IRX1: variants seen among roughly 807,000 people sequenced by gnomAD.
IRX1 encodes the protein iroquois homeobox 1, also known as iroquois-class homeodomain protein IRX-1.
In IRX1, 22 loss-of-function variants were observed where a neutral mutation model predicts 34.1. The ratio of observed to expected loss-of-function variants is 0.64; its 90% confidence interval spans 0.46 to 0.92. The LOEUF is 0.92. IRX1 is among the 40% of genes least tolerant of loss of function. The probability of loss-of-function intolerance (pLI) is 0.00; values close to 1 mark genes in which losing one functional copy is unlikely to be tolerated. For synonymous variants in IRX1, 363 were observed against 319.0 expected (o/e 1.14, Z -1.47); for missense variants, 758 against 680.0 (o/e 1.11, Z -1.28).
chr5:3,596,492 A>G (rs1743700268), intron 1 of IRX1, 111 bp downstream of exon 1: 2 of 1,121,262 alleles, frequency 1.8e-6, no homozygotes, highest in South Asian at 5.5e-5. Context: ...CGGAAGAGGA[A>G]CTAGAAAGGT....
At position 3,599,956 on chromosome 5, in the gene IRX1, A is replaced by G. The variant is rs1283497857; in HGVS notation, c.1008A>G (p.Pro336=). The G allele has an allele frequency of 6.7e-7, 1 of 1,502,324 alleles. No homozygotes were observed. The highest frequency in any genetic ancestry group is 2.2e-5 in the Admixed American group (1 of 44,992). The allele number at this position is 1,502,324 out of a possible 1,614,324, so 93.1% of individuals were successfully genotyped here. Residue 336 remains proline (P), a synonymous_variant, in exon 2 of 4, where the codon CCA becomes CCG. Coordinates refer to ENST00000302006, the MANE Select transcript of IRX1 (RefSeq NM_024337.4). The surrounding 1 kb of genome is among the most constrained non-coding windows in gnomAD (Gnocchi z 6.6). ...PDGAPKASPP[P]PAGHPGAHGP... is the part of the protein sequence containing the mutation. ...GTGCGCCCAAGGCTTCGCCACCACCACCCGCGGGCCACCCCGGCGCGCACG... is the reference window on the plus strand; with the variant it reads ...GTGCGCCCAAGGCTTCGCCACCACCGCCCGCGGGCCACCCCGGCGCGCACG...
chr5:3,600,472 CG>C, intron 2 of IRX1, 136 bp from the exon 3 acceptor site: 1 of 907,252 alleles, frequency 1.1e-6, no homozygotes, highest in Non-Finnish European at 1.6e-6. Context: ...GGGCCTGCTA[CG>C]GGGTGGTGGT....
chr5:3,596,156 G>C lies in IRX1; in HGVS notation c.51G>C (p.Pro17=). ...GYPQYLSAAG[P]GAYGGERPGV... is the part of the protein sequence containing the mutation. The stretch of plus-strand genomic sequence containing the variant: ...CGCAGTACCTGAGCGCCGCGGGGCC[G>C]GGCGCCTACGGCGGCGAGCGCCCGG... Residue 17 remains proline (P), a synonymous_variant, in exon 1 of 4, where the codon CCG becomes CCC. Transcript: ENST00000302006. 2 of 1,038,218 alleles carry C rather than the reference G, an allele frequency of 1.9e-6. No individual in the cohort carries two copies. The highest frequency in any genetic ancestry group is 5.7e-5 in the Admixed American group (1 of 17,474). 64.3% of individuals were successfully genotyped at this position (1,038,218 alleles called of 1,614,324 possible). A position where few individuals can be genotyped will look rare whatever the true frequency, so the allele number is the denominator to read the frequency against.
chr5:3,597,855 AT>A (rs769362141), intron 1 of IRX1, among the ~76,000 whole-genome samples: 1 of 152,056 alleles, frequency 6.6e-6, no homozygotes, highest in East Asian at 1.9e-4. Flanking sequence ...CAACTAGACC[AT>A]TTTTTCAGAG....
rs1306404226 is a variant in IRX1, at chr5:3,600,000, C to A, written c.1052C>A (p.Pro351Gln). 1 of 1,525,510 alleles carries A rather than the reference C, an allele frequency of 6.6e-7. No homozygotes were observed. 94.5% of individuals were successfully genotyped at this position (1,525,510 alleles called of 1,614,324 possible). Residue 351 changes from proline to glutamine, a missense_variant, in exon 2 of 4, where the codon CCG (proline) becomes CAG (glutamine). Transcript: ENST00000302006. The surrounding 1 kb of genome is among the most constrained non-coding windows in gnomAD (Gnocchi z 6.6). ...GCGCACGGGCCCTCCGCCGGGGCGCCGCTGCAACACCCCGCCTTCCTGCCT... is the reference window on the plus strand; with the variant it reads ...GCGCACGGGCCCTCCGCCGGGGCGCAGCTGCAACACCCCGCCTTCCTGCCT... ...PGAHGPSAGA[P>Q]LQHPAFLPSH...
At position 3,599,564 on chromosome 5, in the gene IRX1, T is replaced by A. The variant is rs768467657; in HGVS notation, c.616T>A (p.Phe206Ile). Reference sequence around the variant, plus strand: ...CAAGGACCAGGAAGATGGAGCGCTCTTCGGCAGCGACACCGAGGGCGACCC... The same window carrying A: ...CAAGGACCAGGAAGATGGAGCGCTCATCGGCAGCGACACCGAGGGCGACCC... ...RSKDQEDGAL[F>I]GSDTEGDPEK... is the part of the protein sequence containing the mutation. Residue 206 changes from phenylalanine (F) to isoleucine (I), a missense_variant, in exon 2 of 4, where the codon TTC becomes ATC. Around this residue, in one of 3 missense-constraint regions of IRX1, gnomAD observed 529 missense variants for 418.8 expected, o/e 1.26. Coordinates refer to ENST00000302006, the MANE Select transcript of IRX1 (RefSeq NM_024337.4). The surrounding 1 kb of genome is among the most constrained non-coding windows in gnomAD (Gnocchi z 6.6). 7 of 1,613,844 alleles carry A rather than the reference T, an allele frequency of 4.3e-6. No homozygotes were observed. The Admixed American group carries it at 8.3e-5, about 19-fold the overall frequency.
In IRX1 at chr5:3,596,243, G is replaced by C. The variant is rs1372220599; in HGVS notation, c.138G>C (p.Ala46=). 3 of 1,182,286 alleles carry C rather than the reference G, an allele frequency of 2.5e-6. No individual in the cohort carries two copies. The highest frequency in any genetic ancestry group is 3.4e-4 in the Middle Eastern group (1 of 2,932). The allele number at this position is 1,182,286 out of a possible 1,614,324, so 73.2% of individuals were successfully genotyped here. The stretch of plus-strand genomic sequence containing the variant: ...CCTCGTCGGGCCGACCGGGGGCCGC[G>C]GAGCTGGGCGGCGGGGCAGGCGCGG... ...AAASSGRPGA[A]ELGGGAGAAA... Residue 46 remains alanine, a synonymous_variant, in exon 1 of 4, where the codon GCG becomes GCC. Transcript: ENST00000302006.
In IRX1 at chr5:3,599,349, C is replaced by G; in HGVS notation, c.401C>G (p.Ala134Gly). Residue 134 changes from alanine to glycine, a missense_variant, in exon 2 of 4, where the codon GCC becomes GGC. Around this residue, in one of 3 missense-constraint regions of IRX1, gnomAD observed 195 missense variants for 195.0 expected, o/e 1.00. Coordinates refer to ENST00000302006, the MANE Select transcript of IRX1 (RefSeq NM_024337.4). This position sits in a 1 kb window ranked among gnomAD's most constrained non-coding sequence, Gnocchi z 6.6. ...GGGGACCCCGGGCGGCCCAAGAACG[C>G]CACCCGCGAGAGCACCAGCACGCTC... ...QYGDPGRPKN[A>G]TRESTSTLKA... The G allele has an allele frequency of 6.2e-7, 1 of 1,614,100 alleles. No individual in the cohort carries two copies. The highest frequency in any genetic ancestry group is 8.5e-7 in the Non-Finnish European group (1 of 1,180,032).
rs566374855 is a variant in IRX1, at chr5:3,599,596, G to A, written c.648G>A (p.Lys216=). The A allele has an allele frequency of 1.2e-5, 19 of 1,614,124 alleles. No homozygotes were observed. The African/African-American group carries it at 1.6e-4, about 14-fold the overall frequency. The change falls in exon 2 of 4, where the codon AAG becomes AAA. Residue 216 remains lysine, a synonymous_variant. Coordinates refer to ENST00000302006, the MANE Select transcript of IRX1 (RefSeq NM_024337.4). This position sits in a 1 kb window ranked among gnomAD's most constrained non-coding sequence, Gnocchi z 6.6. The stretch of plus-strand genomic sequence containing the variant: ...GCGACACCGAGGGCGACCCGGAGAA[G>A]GCCGAGGACGACGAGGAGATCGACC... The part of the protein sequence containing the change: ...FGSDTEGDPE[K]AEDDEEIDLE...
chr5:3,600,525 C>A lies in IRX1; in HGVS notation c.1313-84C>A, dbSNP rs367870354. ...TTTTTCGGCGAATCTGCCTGGGCAG[C>A]CGGCAGAAGTTGGTGGGAAGGAGGC... On this transcript the variant is annotated intron_variant, in intron 2 of 3. Transcript: ENST00000302006. The A allele has an allele frequency of 7.0e-5, 91 of 1,295,472 alleles. No individual in the cohort carries two copies. The African/African-American group carries it at 1.2e-3, about 17-fold the overall frequency. The allele number at this position is 1,295,472 out of a possible 1,614,324, so 80.2% of individuals were successfully genotyped here.
At chr5:3,600,750 G>A in intron 3 of IRX1, 69 bp downstream of exon 3, 1 of 1,436,610 alleles carries the variant, frequency 7.0e-7, no homozygotes, top group South Asian at 1.2e-5. Flanking sequence ...GTCGGGACCC[G>A]GGCGGAGCTG....
In IRX1 at chr5:3,601,197, C is replaced by T. The variant is rs1580013534; in HGVS notation, c.*157C>T. On this transcript the variant is annotated 3_prime_UTR_variant, in exon 4 of 4. Coordinates refer to ENST00000302006, the MANE Select transcript of IRX1 (RefSeq NM_024337.4). Reference sequence around the variant, plus strand: ...ATCCGTCGCTTTCTGCAGAAAGGGGCTTCTTCGGTCCCGAGCTCGCGTCCA... The same window carrying T: ...ATCCGTCGCTTTCTGCAGAAAGGGGTTTCTTCGGTCCCGAGCTCGCGTCCA... 2.7e-6 allele frequency: 2 copies of T among 728,648 alleles called. No homozygotes were observed. The highest frequency in any genetic ancestry group is 4.6e-6 in the Non-Finnish European group (2 of 431,332). The allele number at this position is 728,648 out of a possible 1,614,324, so 45.1% of individuals were successfully genotyped here. A position where few individuals can be genotyped will look rare whatever the true frequency, so the allele number is the denominator to read the frequency against.
chr5:3,599,908 G>A lies in IRX1; in HGVS notation c.960G>A (p.Ala320=), dbSNP rs200644003. Residue 320 remains alanine, a synonymous_variant, in exon 2 of 4, where the codon GCG becomes GCA. Transcript: ENST00000302006. This position sits in a 1 kb window ranked among gnomAD's most constrained non-coding sequence, Gnocchi z 6.6. The stretch of plus-strand genomic sequence containing the variant: ...GCAAGCCCAAGATCTGGTCGCTGGC[G>A]GAGACAGCCACGAGCCCCGACGGTG... The part of the protein sequence containing the change: ...PHGKPKIWSL[A]ETATSPDGAP... The A allele has an allele frequency of 8.2e-4, 1,206 of 1,475,082 alleles. 8 individuals carry two copies. The African/African-American group carries it at 0.014, about 18-fold the overall frequency. 91.4% of individuals were successfully genotyped at this position (1,475,082 alleles called of 1,614,324 possible). A position where few individuals can be genotyped will look rare whatever the true frequency, so the allele number is the denominator to read the frequency against.
In IRX1 at chr5:3,599,930, G is replaced by C; in HGVS notation, c.982G>C (p.Gly328Arg). 6.7e-7 allele frequency: 1 copy of C among 1,486,738 alleles called. No individual in the cohort carries two copies. Among genetic ancestry groups the C allele is most frequent in the Non-Finnish European group, 9.0e-7 (1 of 1,116,564 alleles). The allele number at this position is 1,486,738 out of a possible 1,614,324, so 92.1% of individuals were successfully genotyped here. A position where few individuals can be genotyped will look rare whatever the true frequency, so the allele number is the denominator to read the frequency against. Residue 328 changes from glycine to arginine, a missense_variant, in exon 2 of 4, where the codon GGT becomes CGT. By Grantham distance (125) the Gly-to-Arg change is moderately radical. Coordinates refer to ENST00000302006, the MANE Select transcript of IRX1 (RefSeq NM_024337.4). The surrounding 1 kb of genome is among the most constrained non-coding windows in gnomAD (Gnocchi z 6.6). ...GGCGGAGACAGCCACGAGCCCCGAC[G>C]GTGCGCCCAAGGCTTCGCCACCACC... ...SLAETATSPD[G>R]APKASPPPPA... is the part of the protein sequence containing the mutation.
chr5:3,598,562 G>T (rs1733858970), intron 1 of IRX1, among the ~76,000 whole-genome samples: 1 of 152,174 alleles, frequency 6.6e-6, no homozygotes, highest in African/African-American at 2.4e-5. Flanking sequence ...TGATGGCCGG[G>T]ATTAAAATTT....
At chr5:3,597,715 G>A (rs1733823960) in intron 1 of IRX1, among the ~76,000 whole-genome samples, 1 of 152,190 alleles carries the variant, frequency 6.6e-6, no homozygotes, top group Non-Finnish European at 1.5e-5. Context: ...ATTTTGGAAC[G>A]ATTGGGCAAA....
At position 3,601,083 on chromosome 5, in the gene IRX1, G is replaced by GTT; in HGVS notation, c.*44_*45dup. ...CTTTTGCGGGGGGGAGGGGGGAGGA[G>GTT]TTGGGGAGGGAGGGAATGTGGGAGG... On this transcript the variant is annotated 3_prime_UTR_variant, in exon 4 of 4. Transcript: ENST00000302006. The GTT allele has an allele frequency of 7.9e-7, 1 of 1,267,898 alleles. No homozygotes were observed. The highest frequency in any genetic ancestry group is 1.1e-6 in the Non-Finnish European group (1 of 877,680). The allele number at this position is 1,267,898 out of a possible 1,614,324, so 78.5% of individuals were successfully genotyped here.
At chr5:3,600,947 C>A (rs755975152) in intron 3 of IRX1, 36 bp from the exon 4 acceptor site, 1 of 1,606,064 alleles carries the variant, frequency 6.2e-7, no homozygotes, top group Middle Eastern at 1.7e-4. Flanking sequence ...ACTCACAGTG[C>A]CCCTGTCTTC....
At position 3,600,974 on chromosome 5, in the gene IRX1, C is replaced by G. The variant is rs756773637; in HGVS notation, c.1386-9C>G. On this transcript the variant is annotated splice_polypyrimidine_tract_variant and intron_variant, in intron 3 of 3. Transcript: ENST00000302006. ...CCTGTCTTCTTGTCTCGCTGTGTTTCCCATGCAGCTCTCTGGCCCCGCAGG... is the reference window on the plus strand; with the variant it reads ...CCTGTCTTCTTGTCTCGCTGTGTTTGCCATGCAGCTCTCTGGCCCCGCAGG... 1 of 1,613,570 alleles carries G rather than the reference C, an allele frequency of 6.2e-7. No individual in the cohort carries two copies. Among genetic ancestry groups the G allele is most frequent in the Non-Finnish European group, 8.5e-7 (1 of 1,179,740 alleles).
Sources: allele counts gnomAD v4.1 joint callset (sites outside exome capture counted in the v4.1 genomes callset), GRCh38; gene constraint gnomAD v4.1.1; regional missense constraint gnomAD v4.1.1; non-coding constraint Gnocchi (gnomAD v3.1); transcripts MANE v1.5; gene names NCBI Gene and HGNC (gene_info 2026-07-23, HGNC 2026-07-21).